The following ERBB4 variants were observed in gnomAD, a reference collection of about 807,000 sequenced individuals.
ERBB4 encodes receptor tyrosine-protein kinase erbB-4.
Under a neutral mutation model 158.0 loss-of-function variants are expected in ERBB4, and 42 were observed. The observed-to-expected ratio is 0.27, with a 90% CI of 0.21 to 0.34. The LOEUF (loss-of-function observed/expected upper bound fraction) is 0.34, where lower values mean the gene tolerates loss of function less well. ERBB4 is among the 10% of genes least tolerant of loss of function. The pLI is 1.00. For missense variants in ERBB4, 1,333 were observed against 1,624.1 expected (o/e 0.82, Z 3.08); for synonymous variants, 583 against 558.7 (o/e 1.04, Z -0.61).
intron 4 of ERBB4, among the ~76,000 whole-genome samples, chr2:211,753,998 C>T (rs1457089492): frequency 6.6e-6 from 1 of 151,622 alleles, no homozygotes; most frequent in African/African-American, 2.4e-5. Context: ...GCTGGGACTA[C>T]AGGCGCCTGC....
intron 20 of ERBB4, among the ~76,000 whole-genome samples, chr2:211,475,269 A>G (rs1329768981): frequency 6.6e-6 from 1 of 152,014 alleles, no homozygotes; most frequent in African/African-American, 2.4e-5. Flanking sequence ...CTGTATTAGA[A>G]TCTCTTTTTG....
chr2:211,944,177 C>CTATATATATATATAGTATA (rs1559154451), intron 3 of ERBB4, among the ~76,000 whole-genome samples: 28 of 38,582 alleles, frequency 7.3e-4, no homozygotes, highest in Non-Finnish European at 1.1e-3. Flanking sequence ...TATATATATA[C>CTATATATATATATAGTATA]TATATATATA....
intron 20 of ERBB4, among the ~76,000 whole-genome samples, chr2:211,524,416 C>T (rs561678784): frequency 1.4e-4 from 21 of 150,422 alleles, no homozygotes; most frequent in Middle Eastern, 3.4e-3. Flanking sequence ...GACTGGGTGC[C>T]GTGGAGCAGG....
chr2:211,717,381 G>C (rs1313450084), intron 7 of ERBB4, among the ~76,000 whole-genome samples: 1 of 152,190 alleles, frequency 6.6e-6, no homozygotes, highest in Non-Finnish European at 1.5e-5. Flanking sequence ...CTGTCTTGGA[G>C]TTAGTGTGTC....
chr2:211,576,527 T>C (rs1167579017), intron 19 of ERBB4, among the ~76,000 whole-genome samples: 1 of 152,208 alleles, frequency 6.6e-6, no homozygotes, highest in African/African-American at 2.4e-5. Flanking sequence ...GTTACCTTAT[T>C]AATAACTGTA....
At chr2:212,003,215 A>AC (rs1559294215) in intron 2 of ERBB4, among the ~76,000 whole-genome samples, 1 of 47,278 alleles carries the variant, frequency 2.1e-5, no homozygotes, top group African/African-American at 5.4e-5. Flanking sequence ...GACAGAAAGA[A>AC]GGAAGGAAGG....
At chr2:211,551,393 T>A (rs1476949066) in intron 20 of ERBB4, among the ~76,000 whole-genome samples, 1 of 152,206 alleles carries the variant, frequency 6.6e-6, no homozygotes, top group Non-Finnish European at 1.5e-5. Context: ...ATTTTAAGGG[T>A]GTATTGTCAT....
At chr2:211,512,724 G>A (rs2065912761) in intron 20 of ERBB4, among the ~76,000 whole-genome samples, 1 of 151,974 alleles carries the variant, frequency 6.6e-6, no homozygotes, top group Admixed American at 6.5e-5. Context: ...TTCTTTAAAA[G>A]GGCATATTGT....
At chr2:211,998,483 G>A (rs1371637113) in intron 2 of ERBB4, among the ~76,000 whole-genome samples, 1 of 144,888 alleles carries the variant, frequency 6.9e-6, no homozygotes, top group Non-Finnish European at 1.5e-5. Context: ...TCAGACCCAG[G>A]TATATCTGAC....
chr2:211,724,876 C>T (rs2074216695), intron 6 of ERBB4, among the ~76,000 whole-genome samples, 200 bp downstream of exon 6: 2 of 152,090 alleles, frequency 1.3e-5, no homozygotes, highest in Admixed American at 1.3e-4. Context: ...CAGAAATATA[C>T]AATTCATTTA....
At chr2:211,793,805 TTAA>T (rs1166451843) in intron 3 of ERBB4, among the ~76,000 whole-genome samples, 1 of 151,942 alleles carries the variant, frequency 6.6e-6, no homozygotes, top group Non-Finnish European at 1.5e-5. Flanking sequence ...AGGTTCATTA[TTAA>T]TAAGCTGAGA....
At chr2:212,005,355 A>T (rs769838017) in intron 2 of ERBB4, among the ~76,000 whole-genome samples, 3 of 152,188 alleles carry the variant, frequency 2.0e-5, no homozygotes, top group Non-Finnish European at 2.9e-5. Flanking sequence ...ATCATTTTTA[A>T]CTATATTCAG....
In ERBB4 at chr2:212,015,028, TAAAAA is replaced by T. The variant is rs71397157; in HGVS notation, c.235-67417_235-67413del. Among the ~76,000 whole-genome samples the T allele has an allele frequency of 9.3e-3, 42 of 4,526 alleles. 5 individuals carry two copies. The highest frequency in any genetic ancestry group is 0.01 in the African/African-American group (40 of 3,968). The allele number at this position is 4,526 out of a possible 152,430, so 3.0% of individuals were successfully genotyped here. A position where few individuals can be genotyped will look rare whatever the true frequency, so the allele number is the denominator to read the frequency against. On this transcript the variant is annotated intron_variant, in intron 2 of 27. Coordinates refer to ENST00000342788, the MANE Select transcript of ERBB4 (RefSeq NM_005235.3). ...TAACACGGTGAAACCCCGTCTCTAC[TAAAAA>T]AAAAAAAAATATATATATATATATA...
intron 17 of ERBB4, among the ~76,000 whole-genome samples, chr2:211,624,954 A>G (rs4672620): frequency 0.77 from 116,971 of 151,586 alleles, 47,737 homozygotes; most frequent in Non-Finnish European, 0.89. Flanking sequence ...GGGTGTGGCC[A>G]AAGTAGTAAA....
chr2:211,763,413 G>A (rs1174499239), intron 4 of ERBB4, among the ~76,000 whole-genome samples: 1 of 152,094 alleles, frequency 6.6e-6, no homozygotes, highest in Non-Finnish European at 1.5e-5. Flanking sequence ...AGTTCCTTAA[G>A]GGAAGGAACC....
chr2:211,538,594 A>G (rs981351308), intron 20 of ERBB4, among the ~76,000 whole-genome samples: 15 of 151,872 alleles, frequency 9.9e-5, no homozygotes, highest in Admixed American at 9.2e-4. Flanking sequence ...CCTGAATTTG[A>G]CACGGAATTA....
At chr2:212,479,125 T>C (rs1689554136) in intron 1 of ERBB4, among the ~76,000 whole-genome samples, 1 of 152,172 alleles carries the variant, frequency 6.6e-6, no homozygotes, top group Non-Finnish European at 1.5e-5. Flanking sequence ...GCCAATAACT[T>C]CAATGCCAGG....
At chr2:212,008,061 A>G (rs2076297261) in intron 2 of ERBB4, among the ~76,000 whole-genome samples, 1 of 152,090 alleles carries the variant, frequency 6.6e-6, no homozygotes, top group African/African-American at 2.4e-5. Flanking sequence ...TTTTATTTCT[A>G]AAAATGTCTC....
At chr2:211,799,992 C>G (rs1373897452) in intron 3 of ERBB4, among the ~76,000 whole-genome samples, 3 of 152,108 alleles carry the variant, frequency 2.0e-5, no homozygotes, top group African/African-American at 4.8e-5. Context: ...GTTTCACATG[C>G]CCTTTTTGGA....
Sources: gnomAD v4.1 joint callset for allele counts (sites outside exome capture counted in the v4.1 genomes callset) on GRCh38, gnomAD v4.1.1 for gene constraint, MANE v1.5 for transcripts, NCBI Gene and HGNC (gene_info 2026-07-23, HGNC 2026-07-21) for gene names.